The following RAD51B variants were observed in gnomAD, a reference collection of about 807,000 sequenced individuals.
RAD51B encodes the protein RAD51 paralog B.
Under a neutral mutation model 42.2 loss-of-function variants are expected in RAD51B, and 38 were observed. The ratio of observed to expected loss-of-function variants is 0.90; its 90% CI spans 0.70 to 1.18. The LOEUF (loss-of-function observed/expected upper bound fraction) is 1.18. RAD51B is among the 50% of genes most tolerant of loss of function. The pLI is 0.00. For synonymous variants in RAD51B, 154 were observed against 145.2 expected (o/e 1.06, Z -0.43); for missense variants, 373 against 400.7 (o/e 0.93, Z 0.59).
At chr14:68,343,779 C>T (rs1356067418) in intron 8 of RAD51B, among the ~76,000 whole-genome samples, 5 of 152,266 alleles carry the variant, frequency 3.3e-5, no homozygotes, top group Non-Finnish European at 2.9e-5. Flanking sequence ...TGGGCCATTG[C>T]CCTGCTCAGG....
chr14:67,942,624 G>A (rs151124576), intron 7 of RAD51B, among the ~76,000 whole-genome samples: 1 of 152,306 alleles, frequency 6.6e-6, no homozygotes, highest in East Asian at 1.9e-4. Context: ...CAGACACACT[G>A]AACTTAAAGT....
intron 8 of RAD51B, among the ~76,000 whole-genome samples, chr14:68,365,268 G>T (rs1377696012): frequency 6.6e-6 from 1 of 152,254 alleles, no homozygotes; most frequent in Non-Finnish European, 1.5e-5. Context: ...TTCTGTGTCT[G>T]ATTCGGCTGT....
At chr14:68,262,934 G>T (rs2080917947) in intron 7 of RAD51B, among the ~76,000 whole-genome samples, 2 of 151,984 alleles carry the variant, frequency 1.3e-5, no homozygotes, top group African/African-American at 4.8e-5. Flanking sequence ...TGTTTCTTTG[G>T]ATCTTGATTT....
At chr14:68,671,747 C>A (rs1031517096) in intron 11 of RAD51B, among the ~76,000 whole-genome samples, 1 of 152,052 alleles carries the variant, frequency 6.6e-6, no homozygotes, top group Non-Finnish European at 1.5e-5. Context: ...TCCTTATATG[C>A]CCCAAGGATG....
intron 7 of RAD51B, among the ~76,000 whole-genome samples, chr14:67,961,987 A>G (rs1031769325): frequency 1.3e-5 from 2 of 152,192 alleles, no homozygotes; most frequent in African/African-American, 4.8e-5. Flanking sequence ...TGTACCTACA[A>G]ATAACATCTT....
chr14:68,544,283 A>G (rs1888112428), intron 10 of RAD51B, among the ~76,000 whole-genome samples: 1 of 152,218 alleles, frequency 6.6e-6, no homozygotes, highest in African/African-American at 2.4e-5. Context: ...TGCTGGAGGA[A>G]GGTTAATACT....
intron 10 of RAD51B, among the ~76,000 whole-genome samples, chr14:68,567,588 T>C (rs1344939114): frequency 6.6e-6 from 1 of 152,236 alleles, no homozygotes; most frequent in Admixed American, 6.5e-5. Context: ...TATCCACCAC[T>C]ACAGTATCAT....
intron 10 of RAD51B, among the ~76,000 whole-genome samples, chr14:68,630,012 G>C (rs574095050): frequency 1.9e-4 from 29 of 152,224 alleles, no homozygotes; most frequent in Non-Finnish European, 3.1e-4. Context: ...TGAACTAAAA[G>C]ACCAGGTTTC....
intron 7 of RAD51B, among the ~76,000 whole-genome samples, chr14:68,274,488 A>G (rs1384876560): frequency 2.6e-5 from 4 of 152,310 alleles, no homozygotes; most frequent in South Asian, 2.1e-4. Context: ...ATATCATCCA[A>G]TACCCAGCCC....
intron 10 of RAD51B, among the ~76,000 whole-genome samples, chr14:68,514,035 A>G (rs1885950370): frequency 6.6e-6 from 1 of 152,212 alleles, no homozygotes; most frequent in African/African-American, 2.4e-5. Context: ...CTGTCTCACT[A>G]CAGGTGCTCA....
chr14:68,557,816 C>T (rs1265572610), intron 10 of RAD51B, among the ~76,000 whole-genome samples: 1 of 152,148 alleles, frequency 6.6e-6, no homozygotes, highest in Non-Finnish European at 1.5e-5. Context: ...CGTGACTGTT[C>T]TCTGCATTTC....
At position 68,582,981 on chromosome 14, in the gene RAD51B, C is replaced by T. The variant is rs142176428; in HGVS notation, c.1037-11504C>T. On this transcript the variant is annotated intron_variant, in intron 10 of 10. Transcript: ENST00000487270. ...CACATGGACACAGGGAGGGGAACGT[C>T]ACACACCAGGGCCTGTAAGGGGCTA... is the stretch of plus-strand genomic sequence containing the variant. Among the ~76,000 whole-genome samples, 114 of 152,134 alleles carry T rather than the reference C, an allele frequency of 7.5e-4. No homozygotes were observed. The East Asian group carries it at 0.02, about 26-fold the overall frequency.
intron 10 of RAD51B, among the ~76,000 whole-genome samples, chr14:68,632,803 C>T (rs1214619141): frequency 6.6e-6 from 1 of 151,874 alleles, no homozygotes; most frequent in South Asian, 2.1e-4. Flanking sequence ...ACAGTCAGGG[C>T]CTTGCTCTGT....
chr14:68,661,355 C>T (rs1000097782), intron 11 of RAD51B, among the ~76,000 whole-genome samples: 1 of 152,198 alleles, frequency 6.6e-6, no homozygotes, highest in Non-Finnish European at 1.5e-5. Context: ...ATGTCTGTTG[C>T]TGTTGCTGCA....
chr14:67,974,475 C>G (rs777211809), intron 7 of RAD51B, among the ~76,000 whole-genome samples: 2 of 152,014 alleles, frequency 1.3e-5, no homozygotes, highest in Non-Finnish European at 2.9e-5. Flanking sequence ...GGAACTTATA[C>G]TGTAGTTAGG....
chr14:68,523,944 A>G (rs1886758585), intron 10 of RAD51B, among the ~76,000 whole-genome samples: 1 of 152,336 alleles, frequency 6.6e-6, no homozygotes, highest in African/African-American at 2.4e-5. Context: ...GTGAATATCA[A>G]TGGTCTGGTG....
intron 8 of RAD51B, among the ~76,000 whole-genome samples, chr14:68,310,238 G>A (rs183817590): frequency 1.3e-5 from 2 of 152,296 alleles, no homozygotes; most frequent in East Asian, 3.9e-4. Flanking sequence ...TCACTCTTGG[G>A]TGGTGTTGGG....
intron 10 of RAD51B, 28 bp downstream of exon 10, chr14:68,468,278 TTAAGCTTATGCTCAG>T (rs763356929): frequency 1.3e-6 from 2 of 1,586,198 alleles, no homozygotes; most frequent in East Asian, 4.5e-5. Flanking sequence ...AGCCATTTCT[TTAAGCTTATGCTCAG>T]TGCTGCCCAT....
intron 7 of RAD51B, among the ~76,000 whole-genome samples, chr14:67,955,921 G>A (rs2074537927): frequency 1.3e-5 from 2 of 152,164 alleles, no homozygotes; most frequent in South Asian, 4.1e-4. Flanking sequence ...AATAGTGTGG[G>A]CAAAGATGGA....
Sources: gnomAD v4.1 joint callset for allele counts (sites outside exome capture counted in the v4.1 genomes callset) on GRCh38, gnomAD v4.1.1 for gene constraint, MANE v1.5 for transcripts, NCBI Gene and HGNC (gene_info 2026-07-23, HGNC 2026-07-21) for gene names.